The following SMAP1 variants were observed in gnomAD, a reference collection of about 807,000 sequenced individuals.
SMAP1 encodes small ArfGAP 1.
SMAP1 carries 24 observed loss-of-function variants against 58.5 expected under a neutral mutation model. The ratio of observed to expected loss-of-function variants is 0.41; its 90% CI spans 0.30 to 0.58. The LOEUF (loss-of-function observed/expected upper bound fraction) is 0.58, where lower values mean the gene tolerates loss of function less well. Ranked by LOEUF, SMAP1 falls within the 20% of genes least tolerant of loss-of-function variation. SMAP1 has a pLI of 0.29. For missense variants in SMAP1, 563 were observed against 566.3 expected, an observed-to-expected ratio of 0.99 and a Z score of 0.06; for synonymous variants, 216 against 196.6, an observed-to-expected ratio of 1.10 and a Z score of -0.82.
Position 70,773,415 on chromosome 6 carries a change from C to A in SMAP1, c.404C>A (p.Ala135Asp). 1.3e-6 allele frequency: 2 copies of A among 1,549,592 alleles called. No individual in the cohort carries two copies. The highest frequency in any genetic ancestry group is 1.8e-5 in the Admixed American group (1 of 55,830). Residue 135 changes from alanine (A) to aspartate (D), a missense_variant, in exon 4 of 11, where the codon GCT (alanine) becomes GAT (aspartate). Coordinates refer to ENST00000370455, the MANE Select transcript of SMAP1 (RefSeq NM_001044305.3). ...KKKYYDKNAI[A>D]ITNISSSDAP... ...AAATACTACGATAAAAATGCCATAG[C>A]TATTACAAATGTAAGTAAAACCTTC... is the stretch of plus-strand genomic sequence containing the variant.
chr6:70,804,374 GC>G (rs1769020071), intron 6 of SMAP1, among the ~76,000 whole-genome samples: 2 of 150,154 alleles, frequency 1.3e-5, no homozygotes, highest in East Asian at 1.9e-4. Context: ...TTTATTTTGA[GC>G]CTATGTGTGT....
chr6:70,788,030 A>G (rs922027934), intron 4 of SMAP1, among the ~76,000 whole-genome samples: 4 of 152,018 alleles, frequency 2.6e-5, no homozygotes, highest in Admixed American at 2.0e-4. Context: ...ATTCACATTA[A>G]CAAAGACTTG....
chr6:70,799,659 A>T (rs1249666301), intron 6 of SMAP1, among the ~76,000 whole-genome samples: 1 of 152,218 alleles, frequency 6.6e-6, no homozygotes, highest in Non-Finnish European at 1.5e-5. Flanking sequence ...GAAGTACTGT[A>T]TATAAGAAAG....
intron 4 of SMAP1, 102 bp from the exon 5 acceptor site, chr6:70,791,587 A>T: frequency 1.1e-6 from 1 of 892,278 alleles, no homozygotes; most frequent in Non-Finnish European, 1.7e-6. Context: ...AAGTGCTTCT[A>T]TATCTCAAAA....
intron 1 of SMAP1, among the ~76,000 whole-genome samples, chr6:70,720,557 C>G (rs1048809573): frequency 6.6e-6 from 1 of 152,202 alleles, no homozygotes; most frequent in Non-Finnish European, 1.5e-5. Flanking sequence ...ACCACAATGC[C>G]CTAGCAGAGG....
chr6:70,789,208 A>G (rs1378451919), intron 4 of SMAP1, among the ~76,000 whole-genome samples: 1 of 152,188 alleles, frequency 6.6e-6, no homozygotes, highest in East Asian at 1.9e-4. Flanking sequence ...CATATATAAT[A>G]AAAGGTAGAT....
At chr6:70,744,808 G>A (rs573580830) in intron 2 of SMAP1, among the ~76,000 whole-genome samples, 59 of 152,184 alleles carry the variant, frequency 3.9e-4, no homozygotes, top group Admixed American at 8.5e-4. Flanking sequence ...AAGTGTTTCT[G>A]TTTCTCCACA....
intron 1 of SMAP1, among the ~76,000 whole-genome samples, chr6:70,706,442 A>G (rs1320155231): frequency 1.3e-5 from 2 of 152,168 alleles, no homozygotes; most frequent in Non-Finnish European, 2.9e-5. Flanking sequence ...ATGGTTTCAT[A>G]TGGAACAGAC....
At chr6:70,729,406 T>C (rs1164781756) in intron 1 of SMAP1, among the ~76,000 whole-genome samples, 1 of 142,712 alleles carries the variant, frequency 7.0e-6, no homozygotes, top group Non-Finnish European at 1.5e-5. Context: ...GCCACTGCAC[T>C]CCAGCCTGGG....
chr6:70,697,460 C>G (rs1239658532), intron 1 of SMAP1, among the ~76,000 whole-genome samples: 2 of 152,048 alleles, frequency 1.3e-5, no homozygotes, highest in African/African-American at 4.8e-5. Context: ...TGCCCACCAC[C>G]ACACCCAGCT....
At chr6:70,707,332 C>A (rs954903497) in intron 1 of SMAP1, among the ~76,000 whole-genome samples, 3 of 151,916 alleles carry the variant, frequency 2.0e-5, no homozygotes, top group Non-Finnish European at 4.4e-5. Flanking sequence ...AATTGGTAAT[C>A]CTAAATAAAA....
At chr6:70,674,986 C>T (rs1394202450) in intron 1 of SMAP1, among the ~76,000 whole-genome samples, 1 of 151,790 alleles carries the variant, frequency 6.6e-6, no homozygotes, top group African/African-American at 2.4e-5. Flanking sequence ...CTCAAAAAAA[C>T]AAAAACAAAA....
chr6:70,717,458 G>T (rs9455211), intron 1 of SMAP1, among the ~76,000 whole-genome samples: 1,737 of 152,296 alleles, frequency 0.011, 26 homozygotes, highest in African/African-American at 0.039. Context: ...TTAGAAGCTG[G>T]GTATTGGGGA....
intron 7 of SMAP1, among the ~76,000 whole-genome samples, chr6:70,837,530 G>A (rs138125849): frequency 2.1e-4 from 32 of 152,212 alleles, no homozygotes; most frequent in African/African-American, 7.7e-4. Context: ...AGAATAAGAA[G>A]TGCTAATTTT....
At chr6:70,827,110 A>G (rs1186102835) in intron 6 of SMAP1, among the ~76,000 whole-genome samples, 2 of 152,158 alleles carry the variant, frequency 1.3e-5, no homozygotes, top group Non-Finnish European at 2.9e-5. Flanking sequence ...ATAGACAGCT[A>G]TCCAATTAAT....
At chr6:70,669,779 A>T (rs192642743) in intron 1 of SMAP1, among the ~76,000 whole-genome samples, 190 of 152,358 alleles carry the variant, frequency 1.2e-3, no homozygotes, top group Middle Eastern at 3.4e-3. Context: ...TGTTCATTAA[A>T]AGTCGAATAG....
At chr6:70,678,003 A>G (rs1342524841) in intron 1 of SMAP1, among the ~76,000 whole-genome samples, 2 of 152,192 alleles carry the variant, frequency 1.3e-5, no homozygotes, top group South Asian at 4.1e-4. Context: ...TTGGAGTGGC[A>G]TTTAGTTACA....
intron 2 of SMAP1, among the ~76,000 whole-genome samples, chr6:70,745,231 G>A (rs1237900342): frequency 2.0e-5 from 3 of 152,180 alleles, no homozygotes; most frequent in Non-Finnish European, 2.9e-5. Flanking sequence ...TGGTGTTTTA[G>A]TCATGAAGTC....
intron 6 of SMAP1, among the ~76,000 whole-genome samples, chr6:70,801,050 G>A (rs1411820084): frequency 2.0e-5 from 3 of 152,164 alleles, no homozygotes; most frequent in Admixed American, 1.3e-4. Context: ...GGATGGCTGG[G>A]TCAAATGGTA....
Sources: allele counts gnomAD v4.1 joint callset (sites outside exome capture counted in the v4.1 genomes callset), GRCh38; gene constraint gnomAD v4.1.1; transcripts MANE v1.5; gene names NCBI Gene and HGNC (gene_info 2026-07-23, HGNC 2026-07-21).